The following SLC66A2 variants were observed in gnomAD, a reference collection of about 807,000 sequenced individuals.
SLC66A2 encodes solute carrier family 66 member 2.
A neutral mutation model predicts 25.5 loss-of-function variants in SLC66A2; 23 were observed. That is an observed-to-expected ratio of 0.90 (90% CI 0.65 to 1.28). The LOEUF is 1.28. SLC66A2 is among the 50% of genes most tolerant of loss of function. The probability of loss-of-function intolerance (pLI) is 0.00; values close to 1 mark genes in which losing one functional copy is unlikely to be tolerated. For synonymous variants in SLC66A2, 193 were observed against 166.5 expected (o/e 1.16, Z -1.23); for missense variants, 396 against 373.1 (o/e 1.06, Z -0.51).
chr18:79,927,556 C>A lies in SLC66A2; in HGVS notation c.391+6413G>T, dbSNP rs1397868139. Among the ~76,000 whole-genome samples the A allele has an allele frequency of 1.3e-5, 2 of 152,198 alleles. No homozygotes were observed. The highest frequency in any genetic ancestry group is 1.3e-4 in the Admixed American group (2 of 15,282). ...GCCTCGCTGACCCCTCTAATCCTGC[C>A]ACCTGTGCAGCAGGCGGCAACAGGG... On this transcript the variant is annotated intron_variant, in intron 4 of 5. Coordinates refer to ENST00000397778, the MANE Select transcript of SLC66A2 (RefSeq NM_025078.5). This position sits in a 1 kb window ranked among gnomAD's most constrained non-coding sequence, Gnocchi z 6.2.
chr18:79,916,176 G>A (rs1340465732), intron 5 of SLC66A2, among the ~76,000 whole-genome samples: 1 of 54,226 alleles, frequency 1.8e-5, no homozygotes, highest in African/African-American at 4.6e-5. Context: ...CAGTGCTCCC[G>A]TACCCTCCCA....
intron 4 of SLC66A2, among the ~76,000 whole-genome samples, 177 bp from the exon 5 acceptor site, chr18:79,919,577 T>TG (rs765815378): frequency 6.0e-5 from 1 of 16,574 alleles, no homozygotes; most frequent in African/African-American, 1.1e-4. Flanking sequence ...TCAAGGTCAG[T>TG]GAGGAGAGAC....
chr18:79,910,763 G>A (rs1489821250), intron 5 of SLC66A2, among the ~76,000 whole-genome samples: 1 of 152,252 alleles, frequency 6.6e-6, no homozygotes, highest in African/African-American at 2.4e-5. Flanking sequence ...GGCTGGGCGT[G>A]TTCCAGTGTA....
chr18:79,950,642 G>C (rs1373047401), intron 2 of SLC66A2, 82 bp downstream of exon 2: 5 of 1,417,140 alleles, frequency 3.5e-6, no homozygotes, highest in Non-Finnish European at 4.9e-6. Flanking sequence ...GGACCCTGCT[G>C]CTCCCCCGGC....
At chr18:79,926,061 T>C (rs4799111) in intron 4 of SLC66A2, among the ~76,000 whole-genome samples, 136,198 of 152,252 alleles carry the variant, frequency 0.89, 62,941 homozygotes, top group East Asian at 1. Flanking sequence ...GCTACACTCC[T>C]ACCAGCACCG....
intron 5 of SLC66A2, among the ~76,000 whole-genome samples, chr18:79,913,096 T>G (rs1309804604): frequency 6.6e-6 from 1 of 152,204 alleles, no homozygotes; most frequent in East Asian, 1.9e-4. Context: ...GGGTGAGGAC[T>G]GACGTAGTTG....
In SLC66A2 at chr18:79,927,921, G is replaced by C. The variant is rs1986161711; in HGVS notation, c.391+6048C>G. Among the ~76,000 whole-genome samples, 2 of 152,238 alleles carry C rather than the reference G, an allele frequency of 1.3e-5. No homozygotes were observed. The highest frequency in any genetic ancestry group is 4.1e-4 in the South Asian group (2 of 4,834). ...CTGCAGCCGCCTCAGCTAGAGCCAG[G>C]GAGGCCCTGGGAGAATGGCCTTGCC... On this transcript the variant is annotated intron_variant, in intron 4 of 5. Transcript: ENST00000397778. The surrounding 1 kb of genome is among the most constrained non-coding windows in gnomAD (Gnocchi z 6.2).
chr18:79,936,101 C>A (rs943998073), intron 3 of SLC66A2, among the ~76,000 whole-genome samples: 4 of 152,244 alleles, frequency 2.6e-5, no homozygotes, highest in Non-Finnish European at 5.9e-5. Flanking sequence ...GACTTTGGTC[C>A]ATGTCACGAC....
chr18:79,908,110 A>G (rs142260863), intron 5 of SLC66A2, among the ~76,000 whole-genome samples: 1 of 152,254 alleles, frequency 6.6e-6, no homozygotes, highest in African/African-American at 2.4e-5. Flanking sequence ...CATATTTTAA[A>G]TAACTTAAGA....
At chr18:79,906,851 C>G (rs944704369) in intron 5 of SLC66A2, among the ~76,000 whole-genome samples, 6 of 152,336 alleles carry the variant, frequency 3.9e-5, no homozygotes, top group East Asian at 3.9e-4. Context: ...GGGTTCCATG[C>G]ATACACACTC....
chr18:79,904,138 C>G lies in SLC66A2; in HGVS notation c.654G>C (p.Thr218=), dbSNP rs915382249. ...LMWTSGDAFK[T]AYFLLKGAPL... ...GGGCACCCTTCAGCAGGAAGTAGGC[C>G]GTCTTGAAGGCGTCACCACTGGTCC... Residue 218 remains threonine, a synonymous_variant, in exon 6 of 6, where the codon ACG becomes ACC. Coordinates refer to ENST00000397778, the MANE Select transcript of SLC66A2 (RefSeq NM_025078.5). The surrounding 1 kb of genome is among the most constrained non-coding windows in gnomAD (Gnocchi z 6.3). 3 of 1,612,998 alleles carry G rather than the reference C, an allele frequency of 1.9e-6. No homozygotes were observed. In the East Asian group the frequency reaches 6.7e-5, roughly 36 times the overall value.
At chr18:79,924,988 C>G (rs966711772) in intron 4 of SLC66A2, 10 of 152,392 alleles carry the variant, frequency 6.6e-5, no homozygotes, top group African/African-American at 2.2e-4. Context: ...GAAATGAGAT[C>G]TCTAAGTTCA....
chr18:79,914,170 C>T (rs1983639171), intron 5 of SLC66A2, among the ~76,000 whole-genome samples: 1 of 152,248 alleles, frequency 6.6e-6, no homozygotes, highest in Admixed American at 6.5e-5. Context: ...TCCCAAAGTG[C>T]TGGGATTACA....
At chr18:79,925,879 C>G (rs1378582510) in intron 4 of SLC66A2, among the ~76,000 whole-genome samples, 2 of 152,250 alleles carry the variant, frequency 1.3e-5, no homozygotes, top group Non-Finnish European at 2.9e-5. Context: ...CTGAGGCCCT[C>G]TGAGCTGCGT....
intron 5 of SLC66A2, chr18:79,915,678 C>T (rs372268657): frequency 2.6e-5 from 4 of 152,192 alleles, no homozygotes; most frequent in Non-Finnish European, 5.9e-5. Flanking sequence ...CCTGTGACAT[C>T]CCGTCCCCAG....
At chr18:79,911,672 A>G (rs1043076411) in intron 5 of SLC66A2, among the ~76,000 whole-genome samples, 1 of 152,198 alleles carries the variant, frequency 6.6e-6, no homozygotes, top group Non-Finnish European at 1.5e-5. Context: ...CCACCATGGC[A>G]CGGGGACTGG....
chr18:79,937,986 G>A lies in SLC66A2; in HGVS notation c.338-3964C>T, dbSNP rs1987270558. 6.6e-6 allele frequency among the ~76,000 whole-genome samples: 1 copy of A among 151,994 alleles called. No homozygotes were observed. The highest frequency in any genetic ancestry group is 2.4e-5 in the African/African-American group (1 of 41,388). ...CCACGGATTTTTAAACAACAAAATC[G>A]TATATACTGCCAGACACAGGGGCTC... On this transcript the variant is annotated intron_variant, in intron 3 of 5. Coordinates refer to ENST00000397778, the MANE Select transcript of SLC66A2 (RefSeq NM_025078.5). The surrounding 1 kb of genome is among the most constrained non-coding windows in gnomAD (Gnocchi z 5.4).
In SLC66A2 at chr18:79,905,650, C is replaced by T. The variant is rs568629145; in HGVS notation, c.609-1467G>A. On this transcript the variant is annotated intron_variant, in intron 5 of 5. Coordinates refer to ENST00000397778, the MANE Select transcript of SLC66A2 (RefSeq NM_025078.5). Reference sequence around the variant, plus strand: ...CGCCCCACGCAGCTTCCGGTTGACCCCTCACACCAGGATGGGAAACAGAGC... The same window carrying T: ...CGCCCCACGCAGCTTCCGGTTGACCTCTCACACCAGGATGGGAAACAGAGC... 5.2e-5 allele frequency among the ~76,000 whole-genome samples: 8 copies of T among 152,382 alleles called. 1 individual carries two copies. The East Asian group carries it at 7.7e-4, about 15-fold the overall frequency.
At chr18:79,908,089 T>C (rs551671281) in intron 5 of SLC66A2, among the ~76,000 whole-genome samples, 8 of 152,282 alleles carry the variant, frequency 5.3e-5, no homozygotes, top group African/African-American at 1.4e-4. Flanking sequence ...TATTTTTTGC[T>C]AACTTTCACA....
Sources: gnomAD v4.1 joint callset for allele counts (sites outside exome capture counted in the v4.1 genomes callset) on GRCh38, gnomAD v4.1.1 for gene constraint, Gnocchi (gnomAD v3.1) non-coding constraint, MANE v1.5 for transcripts, NCBI Gene and HGNC (gene_info 2026-07-23, HGNC 2026-07-21) for gene names.